The following TMEM101 variants were observed in gnomAD, a reference collection of about 807,000 sequenced individuals.
TMEM101 encodes putative NF-kappa-B-activating protein 130.
In TMEM101, 14 loss-of-function variants were observed where a neutral mutation model predicts 26.0. The ratio of observed to expected loss-of-function variants is 0.54; its 90% CI spans 0.36 to 0.84. The LOEUF is 0.84. Among genes scored for constraint, TMEM101 ranks in the 40% least tolerant of loss-of-function variants. The probability of loss-of-function intolerance (pLI) is 0.01; values close to 1 mark genes in which losing one functional copy is unlikely to be tolerated. For synonymous variants in TMEM101, 152 were observed against 145.1 expected (o/e 1.05, Z -0.34); for missense variants, 292 against 345.1 (o/e 0.85, Z 1.22).
At chr17:44,017,059 G>A (rs892122515), upstream of TMEM101, among the ~76,000 whole-genome samples, 1 of 151,604 alleles carries the variant, frequency 6.6e-6, no homozygotes, top group Non-Finnish European at 1.5e-5. Context: ...GCTGAGGCAG[G>A]AGAATCGCTT....
intron 1 of TMEM101, among the ~76,000 whole-genome samples, chr17:44,022,867 G>T (rs185309099): frequency 6.6e-6 from 1 of 152,236 alleles, no homozygotes; most frequent in East Asian, 1.9e-4. Context: ...GAGAAGAAAA[G>T]GTGCACACAC....
At chr17:44,019,715 C>T (rs2049269119), upstream of TMEM101, among the ~76,000 whole-genome samples, 1 of 152,170 alleles carries the variant, frequency 6.6e-6, no homozygotes, top group East Asian at 1.9e-4. Flanking sequence ...CATTTGGCCT[C>T]AATCTGATAC....
intron 1 of TMEM101, among the ~76,000 whole-genome samples, chr17:44,022,400 T>C (rs2049293340): frequency 6.6e-6 from 1 of 152,226 alleles, no homozygotes; most frequent in African/African-American, 2.4e-5. Context: ...AGATGCTTTT[T>C]TCATCAATAG....
chr17:44,014,404 A>G lies in TMEM101; in HGVS notation c.271T>C (p.Tyr91His). 2 of 1,555,608 alleles carry G rather than the reference A, an allele frequency of 1.3e-6. No individual in the cohort carries two copies. The highest frequency in any genetic ancestry group is 1.7e-6 in the Non-Finnish European group (2 of 1,149,214). Residue 91 changes from tyrosine to histidine, a missense_variant, in exon 2 of 4, where the codon TAC becomes CAC. Physicochemically the swap from Tyr to His is moderately conservative, Grantham distance 83. Around this residue, in one of 2 missense-constraint regions of TMEM101, gnomAD observed 143 missense variants for 133.2 expected, o/e 1.07. Coordinates refer to ENST00000206380, the MANE Select transcript of TMEM101 (RefSeq NM_032376.4). The stretch of plus-strand genomic sequence containing the variant: ...ACGTAGCCCCCGATGTAGGCGGCGT[A>G]GGTGCTAATGGCCAATTGGAGTGCG... ...GAALQLAIST[Y>H]AAYIGGYVHY...
chr17:44,021,238 T>G (rs1036563645), intron 2 of TMEM101: 2 of 152,200 alleles, frequency 1.3e-5, no homozygotes, highest in African/African-American at 4.8e-5. Context: ...CATCTGCGGT[T>G]TTATAGCAAA....
At chr17:44,020,225 C>T (rs1266958600) in intron 2 of TMEM101, among the ~76,000 whole-genome samples, 1 of 152,154 alleles carries the variant, frequency 6.6e-6, no homozygotes, top group Non-Finnish European at 1.5e-5. Context: ...AATTAATGGC[C>T]ACCCCCAAGT....
upstream of TMEM101, among the ~76,000 whole-genome samples, chr17:44,016,770 GTAGTATACAGGATGCCCTCAGGACC>G (rs558776627): frequency 8.7e-4 from 132 of 152,312 alleles, no homozygotes; most frequent in East Asian, 0.011. Context: ...GGAACCATCT[GTAGTATACAGGATGCCCTCAGGACC>G]TAGTATACAG....
At chr17:44,015,064 G>T, upstream of TMEM101, 1 of 1,427,802 alleles carries the variant, frequency 7.0e-7, no homozygotes, top group Non-Finnish European at 9.4e-7. Flanking sequence ...CGGAAACAAC[G>T]GTGTCATTCT....
upstream of TMEM101, among the ~76,000 whole-genome samples, chr17:44,017,366 A>G (rs2523159): frequency 0.78 from 117,242 of 151,066 alleles, 46,074 homozygotes; most frequent in East Asian, 0.93. Context: ...TTGGGAGGCC[A>G]AGGATCACGA....
chr17:44,014,656 G>A (rs2049206228), intron 1 of TMEM101, 119 bp from the exon 2 acceptor site: 1 of 1,504,028 alleles, frequency 6.6e-7, no homozygotes, highest in Non-Finnish European at 9.0e-7. Flanking sequence ...CCCTCCCATG[G>A]GCAGGACCGC....
upstream of TMEM101, among the ~76,000 whole-genome samples, chr17:44,019,858 A>G (rs2049270503): frequency 6.6e-6 from 1 of 152,168 alleles, no homozygotes; most frequent in African/African-American, 2.4e-5. Flanking sequence ...TTGCAAGGAG[A>G]TTCATATTGT....
intron 1 of TMEM101, among the ~76,000 whole-genome samples, chr17:44,021,765 ACAT>A (rs952508905): frequency 1.1e-4 from 17 of 152,176 alleles, no homozygotes; most frequent in Admixed American, 1.1e-3. Flanking sequence ...AATCATAAAG[ACAT>A]CATGGTTGAA....
intron 3 of TMEM101, chr17:44,012,587 T>A (rs990107212): frequency 1.8e-5 from 7 of 397,850 alleles, no homozygotes; most frequent in African/African-American, 1.4e-4. Flanking sequence ...ATGTCTCCAG[T>A]CACCCTGGCC....
rs1490609864 is a variant in TMEM101 at position 44,014,490 on chromosome 17, G to T, written c.185C>A (p.Ala62Asp). The change falls in exon 2 of 4, where the codon GCC becomes GAC. Residue 62 changes from alanine to aspartate, a missense_variant. This residue lies in a region of TMEM101 where 143 missense variants were observed against 133.2 expected (regional missense o/e 1.07). Transcript: ENST00000206380. ...VPYLYFDMGA[A>D]VLCASFMSFG... is the part of the protein sequence containing the mutation. ...GGACATGAAACTAGCGCACAGCACG[G>T]CTGCCCCCATGTCGAAATACAGGTA... The T allele has an allele frequency of 4.5e-6, 7 of 1,568,220 alleles. No individual in the cohort carries two copies. The South Asian group carries it at 8.2e-5, about 18-fold the overall frequency.
intron 2 of TMEM101, among the ~76,000 whole-genome samples, chr17:44,020,970 T>G (rs540389697): frequency 1.2e-4 from 19 of 152,302 alleles, no homozygotes; most frequent in African/African-American, 4.3e-4. Flanking sequence ...TTCTCTGTAG[T>G]AACAAAAATG....
chr17:44,014,971 G>C, upstream of TMEM101: 1 of 1,599,394 alleles, frequency 6.3e-7, no homozygotes, highest in African/African-American at 1.3e-5. Flanking sequence ...AGGGCAGTCC[G>C]CTGCGGCCTC....
upstream of TMEM101, chr17:44,019,324 G>A (rs1216352008): frequency 4.6e-6 from 2 of 432,948 alleles, no homozygotes; most frequent in Non-Finnish European, 9.2e-6. Flanking sequence ...CCAGACTATG[G>A]CGGATTCACC....
At chr17:44,012,966 C>T in intron 3 of TMEM101, 43 bp downstream of exon 3, 6 of 1,506,702 alleles carry the variant, frequency 4.0e-6, no homozygotes, top group Non-Finnish European at 5.4e-6. Flanking sequence ...ACTCACAGTT[C>T]ACTCCCAGCC....
chr17:44,018,132 A>T (rs1276888696), upstream of TMEM101, among the ~76,000 whole-genome samples: 1 of 151,896 alleles, frequency 6.6e-6, no homozygotes, highest in East Asian at 1.9e-4. Flanking sequence ...CTCATAAATA[A>T]ACAAACACAG....
Sources: allele counts gnomAD v4.1 joint callset (sites outside exome capture counted in the v4.1 genomes callset), GRCh38; gene constraint gnomAD v4.1.1; regional missense constraint gnomAD v4.1.1; transcripts MANE v1.5; gene names NCBI Gene and HGNC (gene_info 2026-07-23, HGNC 2026-07-21).